Variants in NCOA2 observed in about 807,000 individuals in gnomAD.
NCOA2 encodes the protein class E basic helix-loop-helix protein 75.
A neutral mutation model predicts 145.1 loss-of-function variants in NCOA2; 21 were observed. The ratio of observed to expected loss-of-function variants is 0.14; its 90% CI spans 0.10 to 0.21. NCOA2 has a LOEUF of 0.21. NCOA2 is among the 10% of genes least tolerant of loss of function. The pLI is 1.00. For missense variants in NCOA2, 1,472 were observed against 1,837.6 expected, an observed-to-expected ratio of 0.80 and a Z score of 3.64; for synonymous variants, 619 against 637.5, an observed-to-expected ratio of 0.97 and a Z score of 0.44.
the NCOA2 span, among the ~76,000 whole-genome samples, chr8:70,415,858 G>C: frequency 6.6e-6 from 1 of 152,136 alleles, no homozygotes. Context: ...TGTAACAAAG[G>C]CTTTAGACCA....
intron 1 of NCOA2, among the ~76,000 whole-genome samples, chr8:70,352,937 G>GCTA (rs947667993): frequency 9.2e-5 from 14 of 152,056 alleles, no homozygotes; most frequent in African/African-American, 2.9e-4. Context: ...AGCTTATTTT[G>GCTA]CTACTACCTT....
At chr8:70,191,851 G>T (rs1816724311) in intron 4 of NCOA2, among the ~76,000 whole-genome samples, 1 of 152,100 alleles carries the variant, frequency 6.6e-6, no homozygotes, top group African/African-American at 2.4e-5. Context: ...GACCAGCCTG[G>T]CCAACATGGC....
chr8:70,344,572 G>T lies in NCOA2; in HGVS notation c.-76-47772C>A, dbSNP rs145063136. ...CTGCAAACAGCGGCAGTATTAAATG[G>T]GCCCTCTTATGCACTGATTAATGGT... is the stretch of plus-strand genomic sequence containing the variant. On this transcript the variant is annotated intron_variant, in intron 1 of 22. Transcript: ENST00000452400. Among the ~76,000 whole-genome samples the T allele has an allele frequency of 2.1e-3, 323 of 152,234 alleles. 7 individuals carry two copies. Among genetic ancestry groups the T allele is most frequent in the Non-Finnish European group, 1.8e-3 (120 of 68,022 alleles).
At chr8:70,285,431 C>A (rs1031344542) in intron 2 of NCOA2, among the ~76,000 whole-genome samples, 3 of 152,166 alleles carry the variant, frequency 2.0e-5, no homozygotes, top group African/African-American at 7.2e-5. Context: ...AATCAAGATT[C>A]CCCTTATTTC....
At position 70,213,885 on chromosome 8, in the gene NCOA2, C is replaced by T. The variant is rs1395751279; in HGVS notation, c.259+18G>A. On this transcript the variant is annotated intron_variant, in intron 4 of 22. Coordinates refer to ENST00000452400, the MANE Select transcript of NCOA2 (RefSeq NM_006540.4). ...GAAACCAATTCAACTCTTCAAAATACTAATTCAGTCCTCTTACCTTGTTCT... is the reference window on the plus strand; with the variant it reads ...GAAACCAATTCAACTCTTCAAAATATTAATTCAGTCCTCTTACCTTGTTCT... The T allele has an allele frequency of 1.9e-6, 3 of 1,554,374 alleles. No individual in the cohort carries two copies. The highest frequency in any genetic ancestry group is 4.2e-5 in the Admixed American group (2 of 47,422).
At chr8:70,233,563 C>T (rs1821334637) in intron 2 of NCOA2, among the ~76,000 whole-genome samples, 1 of 152,170 alleles carries the variant, frequency 6.6e-6, no homozygotes, top group Non-Finnish European at 1.5e-5. Flanking sequence ...AATCTGCCCT[C>T]CCTAGTCTTC....
At chr8:70,132,997 C>T (rs1484328927) in intron 15 of NCOA2, among the ~76,000 whole-genome samples, 4 of 152,108 alleles carry the variant, frequency 2.6e-5, no homozygotes, top group Non-Finnish European at 4.4e-5. Flanking sequence ...GAAATCAGAA[C>T]ACTAAACTCT....
chr8:70,185,593 G>A (rs142106183), intron 4 of NCOA2, among the ~76,000 whole-genome samples: 7 of 152,296 alleles, frequency 4.6e-5, no homozygotes, highest in Middle Eastern at 3.4e-3. Flanking sequence ...CAAGCTCTCT[G>A]TGGACAGGGT....
intron 4 of NCOA2, among the ~76,000 whole-genome samples, chr8:70,204,414 A>G (rs1276785121): frequency 6.6e-6 from 1 of 152,346 alleles, no homozygotes; most frequent in South Asian, 2.1e-4. Flanking sequence ...GAGAGTTAAC[A>G]GTTCACCACC....
At position 70,383,144 on chromosome 8, in the gene NCOA2, G is replaced by A. The variant is rs549569776; in HGVS notation, c.-77+20556C>T. Among the ~76,000 whole-genome samples the A allele has an allele frequency of 6.6e-4, 101 of 152,308 alleles. 1 individual carries two copies. In the South Asian group the frequency reaches 9.9e-3, roughly 15 times the overall value. ...TTCAGATGTTCGTGCACACAGGTACGCGCTTCCAGAGAAGTCCTATCAAGA... is the reference window on the plus strand; with the variant it reads ...TTCAGATGTTCGTGCACACAGGTACACGCTTCCAGAGAAGTCCTATCAAGA... On this transcript the variant is annotated intron_variant, in intron 1 of 22. Transcript: ENST00000452400.
chr8:70,267,440 C>A (rs572591285), intron 2 of NCOA2, among the ~76,000 whole-genome samples: 1 of 149,994 alleles, frequency 6.7e-6, no homozygotes, highest in South Asian at 2.1e-4. Context: ...CGCTCTGTCA[C>A]CCAGGCGGAG....
intron 1 of NCOA2, among the ~76,000 whole-genome samples, chr8:70,365,963 A>C (rs1479535863): frequency 6.6e-6 from 1 of 152,246 alleles, no homozygotes; most frequent in East Asian, 1.9e-4. Context: ...AGGAAGAGAC[A>C]GTGAGGGAAA....
the NCOA2 span, among the ~76,000 whole-genome samples, chr8:70,419,504 T>G: frequency 1.3e-5 from 2 of 152,194 alleles, no homozygotes; most frequent in Non-Finnish European, 1.5e-5. Context: ...GTGATTATAC[T>G]TTCTTTACGA....
intron 1 of NCOA2, among the ~76,000 whole-genome samples, chr8:70,340,287 T>C (rs1159564988): frequency 1.3e-5 from 2 of 152,062 alleles, no homozygotes; most frequent in African/African-American, 2.4e-5. Flanking sequence ...AAAGGACATG[T>C]ACGAGCACTT....
At chr8:70,308,484 T>C (rs1828060660) in intron 1 of NCOA2, among the ~76,000 whole-genome samples, 2 of 152,082 alleles carry the variant, frequency 1.3e-5, no homozygotes, top group South Asian at 4.1e-4. Context: ...CATATATGTG[T>C]GTGTGTGTAT....
intron 4 of NCOA2, among the ~76,000 whole-genome samples, chr8:70,177,077 G>T (rs903208805): frequency 3.3e-5 from 5 of 152,210 alleles, no homozygotes; most frequent in African/African-American, 1.2e-4. Flanking sequence ...TGACTGATCT[G>T]CAGCCTTTCC....
At chr8:70,252,392 T>C (rs959770614) in intron 2 of NCOA2, among the ~76,000 whole-genome samples, 4 of 152,196 alleles carry the variant, frequency 2.6e-5, no homozygotes, top group Admixed American at 2.0e-4. Flanking sequence ...CTGGGCAACA[T>C]AGTGAGACAC....
intron 15 of NCOA2, 62 bp downstream of exon 15, chr8:70,138,140 AG>A: frequency 6.5e-7 from 1 of 1,541,894 alleles, no homozygotes; most frequent in Non-Finnish European, 8.8e-7. Context: ...ACTACTCCAA[AG>A]GAAAAGATTA....
rs1728082176 is a variant in NCOA2 at position 70,273,326 on chromosome 8, G to A, written c.-20+23418C>T. 4 of 317,142 alleles carry A rather than the reference G, an allele frequency of 1.3e-5. No individual in the cohort carries two copies. The Admixed American group carries it at 1.6e-4, about 13-fold the overall frequency. The allele number at this position is 317,142 out of a possible 1,614,324, so 19.6% of individuals were successfully genotyped here. A position where few individuals can be genotyped will look rare whatever the true frequency, so the allele number is the denominator to read the frequency against. The stretch of plus-strand genomic sequence containing the variant: ...TCAGCTGGTTCCCCCGAGACCCCCT[G>A]AGCACCAACCCTAGTCCCCCGCGCA... On this transcript the variant is annotated intron_variant, in intron 2 of 22. Transcript: ENST00000452400.
Sources: gnomAD v4.1 joint callset for allele counts (sites outside exome capture counted in the v4.1 genomes callset) on GRCh38, gnomAD v4.1.1 for gene constraint, MANE v1.5 for transcripts, NCBI Gene and HGNC (gene_info 2026-07-23, HGNC 2026-07-21) for gene names.